HIP1R: variants seen among roughly 807,000 people sequenced by gnomAD.
The protein encoded by HIP1R is huntingtin-interacting protein 1-related protein.
Under a neutral mutation model 144.2 loss-of-function variants are expected in HIP1R, and 135 were observed. That is an observed-to-expected ratio of 0.94 (90% confidence interval 0.81 to 1.08). The LOEUF (loss-of-function observed/expected upper bound fraction) is 1.08. Ranked by LOEUF, HIP1R falls within the 50% of genes least tolerant of loss-of-function variation. HIP1R has a pLI of 0.00. For missense variants in HIP1R, 1,462 were observed against 1,432.8 expected, an observed-to-expected ratio of 1.02 and a Z score of -0.33; for synonymous variants, 698 against 612.8, an observed-to-expected ratio of 1.14 and a Z score of -2.05.
At position 122,859,101 on chromosome 12, in the gene HIP1R, G is replaced by A; in HGVS notation, c.2199G>A (p.Leu733=). ...GCAGGGAGTGCGGGGCCCGGGCTCT[G>A]GAGCTCATGGGGCAGCTGCAGGACC... ...DTCRECGARA[L]ELMGQLQDQQ... The change falls in exon 22 of 32, where the codon CTG becomes CTA. Residue 733 remains leucine, a synonymous_variant. Transcript: ENST00000253083. 1.2e-6 allele frequency: 2 copies of A among 1,601,308 alleles called. No homozygotes were observed. The highest frequency in any genetic ancestry group is 1.7e-6 in the Non-Finnish European group (2 of 1,174,674).
In HIP1R at chr12:122,848,500, T is replaced by A. The variant is rs767717339; in HGVS notation, c.192T>A (p.Ala64=). 1 of 1,613,222 alleles carries A rather than the reference T, an allele frequency of 6.2e-7. No homozygotes were observed. The highest frequency in any genetic ancestry group is 1.7e-5 in the Admixed American group (1 of 59,990). Residue 64 remains alanine, a synonymous_variant, in exon 3 of 32, where the codon GCT becomes GCA. Transcript: ENST00000253083. ...TGGGCACACACCACGAGAAGGGGGC[T>A]TTCACCTTCTGGTCCTACGCCATTG... ...IILGTHHEKG[A]FTFWSYAIGL...
intron 1 of HIP1R, among the ~76,000 whole-genome samples, chr12:122,842,880 G>A (rs923648606): frequency 2.6e-5 from 4 of 152,210 alleles, no homozygotes; most frequent in South Asian, 2.1e-4. Context: ...ACGAGTCAGC[G>A]GGCTCTGTCT....
intron 1 of HIP1R, among the ~76,000 whole-genome samples, chr12:122,841,943 G>C (rs527251907): frequency 3.3e-5 from 5 of 152,316 alleles, no homozygotes; most frequent in Non-Finnish European, 7.3e-5. Flanking sequence ...CCAGGACCAA[G>C]CAGGCCTGGG....
In HIP1R at chr12:122,861,121, C is replaced by G. The variant is rs2033756991; in HGVS notation, c.2891-10C>G. The G allele has an allele frequency of 1.9e-6, 3 of 1,613,468 alleles. No homozygotes were observed. Among genetic ancestry groups the G allele is most frequent in the Admixed American group, 1.7e-5 (1 of 60,006 alleles). On this transcript the variant is annotated splice_polypyrimidine_tract_variant and intron_variant, in intron 29 of 31. Coordinates refer to ENST00000253083, the MANE Select transcript of HIP1R (RefSeq NM_003959.3). ...GCCCAGATGTTCACCCCCTTGTCCT[C>G]CGGCCACAGACACCATGGATTTCTC...
At position 122,854,683 on chromosome 12, in the gene HIP1R, C is replaced by T. The variant is rs573943459; in HGVS notation, c.719-222C>T. The stretch of plus-strand genomic sequence containing the variant: ...TGGGTTAGGTGAGATGTGGCCGCAG[C>T]GCCTTCCTTTCCATTCGCTGTTTCC... On this transcript the variant is annotated intron_variant, in intron 8 of 31. Coordinates refer to ENST00000253083, the MANE Select transcript of HIP1R (RefSeq NM_003959.3). Among the ~76,000 whole-genome samples, 54 of 152,334 alleles carry T rather than the reference C, an allele frequency of 3.5e-4. No individual in the cohort carries two copies. The Middle Eastern group carries it at 0.01, about 29-fold the overall frequency.
At chr12:122,848,375 C>A in intron 2 of HIP1R, 91 bp from the exon 3 acceptor site, 1 of 1,482,350 alleles carries the variant, frequency 6.7e-7, no homozygotes, top group Non-Finnish European at 9.1e-7. Context: ...TGGGGGCCGG[C>A]CCTCTTCCGG....
At chr12:122,847,942 C>G (rs1389572550) in intron 1 of HIP1R, 89 bp from the exon 2 acceptor site, 1 of 1,239,928 alleles carries the variant, frequency 8.1e-7, no homozygotes, top group South Asian at 1.4e-5. Flanking sequence ...AGGCAGAATC[C>G]TGTTCAGTAT....
intron 10 of HIP1R, 48 bp downstream of exon 10, chr12:122,855,176 C>T: frequency 6.2e-7 from 1 of 1,610,662 alleles, no homozygotes; most frequent in Non-Finnish European, 8.5e-7. Flanking sequence ...CCCCAGGCAC[C>T]TGGCTGGGCC....
Position 122,861,756 on chromosome 12 carries a change from C to T in HIP1R, c.*3C>T, listed in dbSNP as rs751469010. On this transcript the variant is annotated 3_prime_UTR_variant, in exon 32 of 32. Coordinates refer to ENST00000253083, the MANE Select transcript of HIP1R (RefSeq NM_003959.3). ...CAGCTCAACTCGTGAACTACTAGGCCCCCCAGGGGTCCAGCAGGGTGGCTG... is the reference window on the plus strand; with the variant it reads ...CAGCTCAACTCGTGAACTACTAGGCTCCCCAGGGGTCCAGCAGGGTGGCTG... 1 of 1,613,902 alleles carries T rather than the reference C, an allele frequency of 6.2e-7. No individual in the cohort carries two copies. The highest frequency in any genetic ancestry group is 1.1e-5 in the South Asian group (1 of 91,078).
intron 24 of HIP1R, 77 bp downstream of exon 24, chr12:122,859,907 TC>T (rs1434329739): frequency 1.3e-5 from 19 of 1,505,468 alleles, no homozygotes; most frequent in Non-Finnish European, 1.6e-5. Flanking sequence ...CCCCAACTGT[TC>T]TGCTCACGGG....
intron 1 of HIP1R, among the ~76,000 whole-genome samples, chr12:122,844,865 T>C (rs991014239): frequency 6.6e-6 from 1 of 152,192 alleles, no homozygotes; most frequent in African/African-American, 2.4e-5. Flanking sequence ...GCTGGGGTTG[T>C]TCTGCCCGAG....
intron 19 of HIP1R, 39 bp from the exon 20 acceptor site, chr12:122,858,310 A>G: frequency 1.3e-6 from 2 of 1,591,280 alleles, no homozygotes; most frequent in Non-Finnish European, 1.7e-6. Context: ...AGCCCTGAGC[A>G]GCGGGTGGCA....
At chr12:122,849,133 G>A (rs185994218) in intron 4 of HIP1R, among the ~76,000 whole-genome samples, 20 of 152,376 alleles carry the variant, frequency 1.3e-4, no homozygotes, top group South Asian at 4.1e-4. Flanking sequence ...CGGGCACCTC[G>A]GTGGTTAGAG....
chr12:122,835,473 G>A lies in HIP1R; in HGVS notation c.-78G>A, dbSNP rs1279444880. 6.9e-5 allele frequency: 82 copies of A among 1,190,822 alleles called. No homozygotes were observed. The highest frequency in any genetic ancestry group is 8.5e-5 in the Non-Finnish European group (82 of 960,502). The allele number at this position is 1,190,822 out of a possible 1,614,324, so 73.8% of individuals were successfully genotyped here. A position where few individuals can be genotyped will look rare whatever the true frequency, so the allele number is the denominator to read the frequency against. On this transcript the variant is annotated 5_prime_UTR_variant, in exon 1 of 32. Transcript: ENST00000253083. ...GGGCGCGGCGCGGTGGCCTCGCGGT[G>A]CCTAGGCTGGGGCTGCCGGACCGTG...
At chr12:122,838,457 G>A (rs2032968276) in intron 1 of HIP1R, among the ~76,000 whole-genome samples, 1 of 152,154 alleles carries the variant, frequency 6.6e-6, no homozygotes, top group East Asian at 1.9e-4. Flanking sequence ...CATTTAAAAA[G>A]AGGGTGTGGT....
At chr12:122,857,936 G>C (rs1566113256) in intron 18 of HIP1R, 166 bp from the exon 19 acceptor site, 1 of 513,570 alleles carries the variant, frequency 1.9e-6, no homozygotes, top group Non-Finnish European at 3.4e-6. Flanking sequence ...TTTTATTCTT[G>C]AGCTGTGCAC....
Position 122,861,353 on chromosome 12 carries a change from C to T in HIP1R, c.2998C>T (p.Arg1000Trp), listed in dbSNP as rs142435037. The T allele has an allele frequency of 1.3e-4, 214 of 1,613,482 alleles. No homozygotes were observed. Among genetic ancestry groups the T allele is most frequent in the Middle Eastern group, 1.6e-4 (1 of 6,078 alleles). ...GAAGACGCTGGAGGCTGAACGCATG[C>T]GGCTGGGGGAGTTGCGGAAGCAACA... is the stretch of plus-strand genomic sequence containing the variant. ...LEKTLEAERM[R>W]LGELRKQHYV... Residue 1000 changes from arginine (R) to tryptophan (W), a missense_variant, in exon 31 of 32, where the codon CGG becomes TGG. Transcript: ENST00000253083.
At chr12:122,834,850 T>C, upstream of HIP1R, 2 of 794,658 alleles carry the variant, frequency 2.5e-6, no homozygotes, top group South Asian at 2.9e-5. Context: ...TATGTCAGAA[T>C]TGCACAAAGA....
Position 122,835,645 on chromosome 12 carries a change from C to T in HIP1R, c.93+2C>T. 1.7e-6 allele frequency: 2 copies of T among 1,153,258 alleles called. No individual in the cohort carries two copies. Among genetic ancestry groups the T allele is most frequent in the African/African-American group, 1.7e-5 (1 of 57,682 alleles). The allele number at this position is 1,153,258 out of a possible 1,614,324, so 71.4% of individuals were successfully genotyped here. A position where few individuals can be genotyped will look rare whatever the true frequency, so the allele number is the denominator to read the frequency against. On this transcript the variant is annotated splice_donor_variant, in intron 1 of 31. Coordinates refer to ENST00000253083, the MANE Select transcript of HIP1R (RefSeq NM_003959.3). LOFTEE classifies it low-confidence loss of function (GC_TO_GT_DONOR). ...CGCGAGCAGTTCGACAAGACCCAGG[C>T]GAGCGGGCGGCGGGCGGCGGGCGGC...
Sources: allele counts gnomAD v4.1 joint callset (sites outside exome capture counted in the v4.1 genomes callset), GRCh38; gene constraint gnomAD v4.1.1; transcripts MANE v1.5; gene names NCBI Gene and HGNC (gene_info 2026-07-23, HGNC 2026-07-21).